Variants in YAP1 observed in about 807,000 individuals in gnomAD.
YAP1 encodes the protein Yes1 associated transcriptional regulator, also known as transcriptional coactivator YAP1.
In YAP1, 5 loss-of-function variants were observed where a neutral mutation model predicts 56.9. The observed-to-expected ratio is 0.09, with a 90% CI of 0.05 to 0.18. The LOEUF (loss-of-function observed/expected upper bound fraction) is 0.18. Ranked by LOEUF, YAP1 falls within the 10% of genes least tolerant of loss-of-function variation. YAP1 has a pLI of 1.00. For missense variants in YAP1, 539 were observed against 651.8 expected, an observed-to-expected ratio of 0.83 and a Z score of 1.88; for synonymous variants, 265 against 248.1, an observed-to-expected ratio of 1.07 and a Z score of -0.64.
At chr11:102,180,599 A>G (rs1484587916) in intron 3 of YAP1, among the ~76,000 whole-genome samples, 2 of 148,354 alleles carry the variant, frequency 1.3e-5, no homozygotes, top group Non-Finnish European at 3.0e-5. Flanking sequence ...GGAGAATGGC[A>G]TGAACCTGGG....
chr11:102,191,572 TGA>T (rs920689933), intron 4 of YAP1, among the ~76,000 whole-genome samples: 35 of 152,338 alleles, frequency 2.3e-4, no homozygotes, highest in African/African-American at 8.2e-4. Flanking sequence ...CATGAAAATT[TGA>T]GAGGGAGAAA....
At chr11:102,219,259 C>T (rs1949806039) in intron 6 of YAP1, among the ~76,000 whole-genome samples, 1 of 152,086 alleles carries the variant, frequency 6.6e-6, no homozygotes, top group East Asian at 1.9e-4. Context: ...AAAATAAATT[C>T]TTCAAGGAAT....
At chr11:102,200,517 GT>G (rs1474940493) in intron 4 of YAP1, among the ~76,000 whole-genome samples, 1 of 150,148 alleles carries the variant, frequency 6.7e-6, no homozygotes, top group Non-Finnish European at 1.5e-5. Context: ...CAATCTCAGC[GT>G]GCTGCAACCT....
chr11:102,134,503 A>AAT (rs1418762210), intron 2 of YAP1, among the ~76,000 whole-genome samples: 1 of 147,644 alleles, frequency 6.8e-6, no homozygotes, highest in Admixed American at 6.8e-5. Context: ...ATATATGTAT[A>AAT]ATATATATAT....
At chr11:102,113,992 A>G in intron 1 of YAP1, 152 bp from the exon 2 acceptor site, 1 of 515,328 alleles carries the variant, frequency 1.9e-6, no homozygotes, top group Non-Finnish European at 3.0e-6. Flanking sequence ...TATCCATTTG[A>G]AAACCTGTGT....
At chr11:102,154,982 A>G (rs941551927) in intron 2 of YAP1, among the ~76,000 whole-genome samples, 2 of 152,184 alleles carry the variant, frequency 1.3e-5, no homozygotes, top group Non-Finnish European at 1.5e-5. Context: ...TTTGTTTTGC[A>G]CAACACAGTA....
At chr11:102,116,802 A>G (rs993835793) in intron 2 of YAP1, among the ~76,000 whole-genome samples, 7 of 152,134 alleles carry the variant, frequency 4.6e-5, no homozygotes, top group Non-Finnish European at 8.8e-5. Context: ...GAATTTTCTT[A>G]TATAAAACTT....
intron 2 of YAP1, among the ~76,000 whole-genome samples, chr11:102,153,604 G>C (rs1945785197): frequency 6.6e-6 from 1 of 152,082 alleles, no homozygotes; most frequent in Non-Finnish European, 1.5e-5. Context: ...TTGAGTTCCT[G>C]CTTCAGGAAC....
intron 2 of YAP1, among the ~76,000 whole-genome samples, chr11:102,144,694 C>T (rs1259449655): frequency 8.5e-5 from 13 of 152,128 alleles, no homozygotes; most frequent in Admixed American, 8.5e-4. Flanking sequence ...TTTAGCCCAC[C>T]AGCCTAGCAT....
At chr11:102,151,993 C>CTG (rs1360299419) in intron 2 of YAP1, among the ~76,000 whole-genome samples, 1 of 152,188 alleles carries the variant, frequency 6.6e-6, no homozygotes, top group East Asian at 1.9e-4. Context: ...TTGAACACAG[C>CTG]TGTGTGTCCA....
At chr11:102,223,112 G>C (rs1379837870) in intron 6 of YAP1, among the ~76,000 whole-genome samples, 1 of 151,882 alleles carries the variant, frequency 6.6e-6, no homozygotes, top group Admixed American at 6.6e-5. Flanking sequence ...GCTGGGCGTG[G>C]TGGTGCGTGC....
intron 6 of YAP1, among the ~76,000 whole-genome samples, chr11:102,222,475 C>T (rs541850154): frequency 6.6e-6 from 1 of 152,218 alleles, no homozygotes; most frequent in South Asian, 2.1e-4. Context: ...TTTTGAGGTC[C>T]TGGGCAAATA....
At chr11:102,228,549 C>A (rs1328123419) in intron 8 of YAP1, among the ~76,000 whole-genome samples, 2 of 142,162 alleles carry the variant, frequency 1.4e-5, no homozygotes, top group African/African-American at 2.6e-5. Context: ...GCAGGAGAAT[C>A]ATTTGAACCC....
intron 2 of YAP1, among the ~76,000 whole-genome samples, chr11:102,136,104 GCATGGTA>G (rs1944659862): frequency 1.3e-5 from 2 of 152,132 alleles, no homozygotes; most frequent in Admixed American, 6.5e-5. Context: ...TATGTCCAGT[GCATGGTA>G]CTTTTGCTGG....
intron 4 of YAP1, among the ~76,000 whole-genome samples, chr11:102,193,402 C>T (rs1948400519): frequency 2.0e-5 from 3 of 152,062 alleles, no homozygotes; most frequent in Admixed American, 2.0e-4. Flanking sequence ...CAGTATGTCT[C>T]AACTATGTTT....
chr11:102,131,638 A>T (rs1236062355), intron 2 of YAP1, among the ~76,000 whole-genome samples: 2 of 152,212 alleles, frequency 1.3e-5, no homozygotes, highest in Non-Finnish European at 2.9e-5. Flanking sequence ...TAGTTTCTGC[A>T]TAATTATGAT....
chr11:102,156,671 C>T (rs986649062), intron 2 of YAP1, among the ~76,000 whole-genome samples: 1 of 152,100 alleles, frequency 6.6e-6, no homozygotes, highest in African/African-American at 2.4e-5. Context: ...AATTTTTGAA[C>T]TTTTGGGAGG....
intron 2 of YAP1, among the ~76,000 whole-genome samples, chr11:102,120,061 AC>A (rs1943557856): frequency 6.6e-6 from 1 of 152,194 alleles, no homozygotes; most frequent in Non-Finnish European, 1.5e-5. Context: ...TGCACTTCTT[AC>A]AAAAAGGGCT....
At chr11:102,146,748 G>A (rs1288298875) in intron 2 of YAP1, among the ~76,000 whole-genome samples, 2 of 152,270 alleles carry the variant, frequency 1.3e-5, no homozygotes, top group East Asian at 3.9e-4. Context: ...GATTAAACAA[G>A]GTACTTCCAT....
Sources: gnomAD v4.1 joint callset for allele counts (sites outside exome capture counted in the v4.1 genomes callset) on GRCh38, gnomAD v4.1.1 for gene constraint, MANE v1.5 for transcripts, NCBI Gene and HGNC (gene_info 2026-07-23, HGNC 2026-07-21) for gene names.